CTNNA2: variants seen among roughly 807,000 people sequenced by gnomAD.
CTNNA2 encodes the protein catenin alpha-2.
Under a neutral mutation model 101.0 loss-of-function variants are expected in CTNNA2, and 42 were observed. The observed-to-expected ratio is 0.42, with a 90% CI of 0.32 to 0.54. CTNNA2 has a LOEUF of 0.54. CTNNA2 is among the 20% of genes least tolerant of loss of function. The pLI is 0.14. For missense variants in CTNNA2, 871 were observed against 1,223.1 expected (o/e 0.71, Z 4.29); for synonymous variants, 450 against 456.4 (o/e 0.99, Z 0.18).
chr2:79,221,232 G>T (rs1274718861), intron 2 of CTNNA2, among the ~76,000 whole-genome samples: 1 of 152,154 alleles, frequency 6.6e-6, no homozygotes, highest in Non-Finnish European at 1.5e-5. Context: ...CACTGCTGCA[G>T]CCTCAAGCTC....
intron 7 of CTNNA2, among the ~76,000 whole-genome samples, chr2:80,065,866 A>G (rs1254976003): frequency 6.6e-6 from 1 of 152,196 alleles, no homozygotes; most frequent in Non-Finnish European, 1.5e-5. Flanking sequence ...ATAGCTACCT[A>G]AAGAATGTAC....
At chr2:80,169,373 T>G (rs934937758) in intron 7 of CTNNA2, among the ~76,000 whole-genome samples, 3 of 152,070 alleles carry the variant, frequency 2.0e-5, no homozygotes, top group African/African-American at 7.2e-5. Flanking sequence ...ACCACTTAGG[T>G]TGGAGAAATC....
intron 7 of CTNNA2, among the ~76,000 whole-genome samples, chr2:79,920,498 A>AT (rs980735912): frequency 2.0e-5 from 3 of 152,174 alleles, no homozygotes; most frequent in African/African-American, 7.2e-5. Flanking sequence ...GCAAATAAAT[A>AT]TTTTTTGAAC....
intron 7 of CTNNA2, among the ~76,000 whole-genome samples, chr2:80,228,303 C>G (rs1709006163): frequency 6.6e-6 from 1 of 152,146 alleles, no homozygotes; most frequent in Admixed American, 6.6e-5. Context: ...CTGATGAGGG[C>G]TCATTCTCTG....
intron 7 of CTNNA2, among the ~76,000 whole-genome samples, chr2:80,215,232 T>C (rs1453408527): frequency 3.3e-5 from 5 of 152,184 alleles, no homozygotes. Flanking sequence ...AGAAGTTTGT[T>C]ATTACCGATC....
intron 9 of CTNNA2, among the ~76,000 whole-genome samples, chr2:80,478,556 T>G (rs1421605042): frequency 2.0e-5 from 3 of 152,166 alleles, no homozygotes; most frequent in Non-Finnish European, 4.4e-5. Flanking sequence ...CATCTTGAGT[T>G]AATTTTTGTA....
At chr2:79,566,967 G>A (rs779707942) in intron 1 of CTNNA2, among the ~76,000 whole-genome samples, 2 of 151,986 alleles carry the variant, frequency 1.3e-5, no homozygotes, top group Non-Finnish European at 1.5e-5. Flanking sequence ...AATGTTCAAC[G>A]TTGACAAGAA....
chr2:79,391,417 G>C (rs766531491), intron 4 of CTNNA2, among the ~76,000 whole-genome samples: 14 of 151,780 alleles, frequency 9.2e-5, no homozygotes, highest in Middle Eastern at 3.4e-3. Context: ...TTACTTTATT[G>C]TAAGAATTTA....
At chr2:80,548,619 G>A (rs1692300812) in intron 11 of CTNNA2, among the ~76,000 whole-genome samples, 1 of 152,174 alleles carries the variant, frequency 6.6e-6, no homozygotes, top group African/African-American at 2.4e-5. Context: ...TGCCATGGCA[G>A]GAAAATGAAC....
intron 7 of CTNNA2, among the ~76,000 whole-genome samples, chr2:80,031,601 A>G (rs1695293377): frequency 6.6e-6 from 1 of 152,230 alleles, no homozygotes; most frequent in South Asian, 2.1e-4. Context: ...GAAATTCAAG[A>G]TGAGATTTTG....
intron 9 of CTNNA2, among the ~76,000 whole-genome samples, chr2:80,502,395 C>T (rs976644367): frequency 6.6e-6 from 1 of 152,202 alleles, no homozygotes; most frequent in African/African-American, 2.4e-5. Context: ...CCAGAGTCCT[C>T]TCTGCAGATG....
At chr2:80,414,570 G>T (rs1679871402) in intron 8 of CTNNA2, among the ~76,000 whole-genome samples, 1 of 152,102 alleles carries the variant, frequency 6.6e-6, no homozygotes, top group African/African-American at 2.4e-5. Context: ...TGTTTTCAAA[G>T]AATACTTTCC....
At chr2:79,487,573 C>T in intron 4 of CTNNA2, among the ~76,000 whole-genome samples, 1 of 152,170 alleles carries the variant, frequency 6.6e-6, no homozygotes, top group East Asian at 1.9e-4. Flanking sequence ...CTCACAGAGG[C>T]CACGTGCAAG....
chr2:80,532,396 G>A (rs1690620532), intron 9 of CTNNA2, among the ~76,000 whole-genome samples: 1 of 152,112 alleles, frequency 6.6e-6, no homozygotes, highest in African/African-American at 2.4e-5. Flanking sequence ...CACTGTAGAG[G>A]CTATGTGCCC....
chr2:79,284,371 A>G (rs1315582592), intron 2 of CTNNA2, among the ~76,000 whole-genome samples: 2 of 124,944 alleles, frequency 1.6e-5, no homozygotes, highest in Non-Finnish European at 3.3e-5. Context: ...GTTTTTGCCC[A>G]TTCAGTATGA....
chr2:80,297,779 C>T (rs1248585702), intron 7 of CTNNA2, among the ~76,000 whole-genome samples: 1 of 152,146 alleles, frequency 6.6e-6, no homozygotes, highest in Non-Finnish European at 1.5e-5. Context: ...AGAAGTTCCC[C>T]AGCCTGCAAA....
intron 2 of CTNNA2, among the ~76,000 whole-genome samples, chr2:79,653,411 C>T (rs751163707): frequency 2.6e-5 from 4 of 152,124 alleles, no homozygotes; most frequent in African/African-American, 9.7e-5. Context: ...TTACTATGCA[C>T]ATCTCCAGGA....
rs1678759420 is a variant in CTNNA2, at chr2:79,439,983, T to C, written c.-134-65071T>C. On this transcript the variant is annotated intron_variant, in intron 4 of 21. Coordinates refer to the CTNNA2 transcript ENST00000466387. ...AGATTTTTAATAATAATAAATAATA[T>C]TGTTAAAAAATCATTAAGTTTCATT... Among the ~76,000 whole-genome samples the C allele has an allele frequency of 4.6e-5, 7 of 152,134 alleles. No homozygotes were observed. In the South Asian group the frequency reaches 1.5e-3, roughly 32 times the overall value.
intron 1 of CTNNA2, among the ~76,000 whole-genome samples, chr2:79,650,847 T>C (rs56985817): frequency 0.041 from 5,670 of 137,480 alleles, 351 homozygotes; most frequent in African/African-American, 0.15. Context: ...CCATATGATC[T>C]CATTGTTCAA....
Sources: gnomAD v4.1 joint callset for allele counts (sites outside exome capture counted in the v4.1 genomes callset) on GRCh38, gnomAD v4.1.1 for gene constraint, MANE v1.5 for transcripts, NCBI Gene and HGNC (gene_info 2026-07-23, HGNC 2026-07-21) for gene names.